The following CERS6 variants were observed in gnomAD, a reference collection of about 807,000 sequenced individuals.
The protein encoded by CERS6 is ceramide synthase 6, also known as LAG1 homolog, ceramide synthase 6.
In CERS6, 26 loss-of-function variants were observed where a neutral mutation model predicts 56.8. The observed-to-expected ratio is 0.46, with a 90% CI of 0.34 to 0.63. The LOEUF (loss-of-function observed/expected upper bound fraction) is 0.63. CERS6 is among the 30% of genes least tolerant of loss of function. CERS6 has a pLI of 0.01. For synonymous variants in CERS6, 164 were observed against 173.3 expected, an observed-to-expected ratio of 0.95 and a Z score of 0.42; for missense variants, 415 against 467.5, an observed-to-expected ratio of 0.89 and a Z score of 1.04.
At chr2:168,605,151 G>T in intron 3 of CERS6, among the ~76,000 whole-genome samples, 1 of 152,218 alleles carries the variant, frequency 6.6e-6, no homozygotes. Flanking sequence ...AACTGATGAA[G>T]TCTCAGACGG....
chr2:168,456,623 G>A lies in CERS6; in HGVS notation c.170+5G>A, dbSNP rs1205059184. 1.2e-6 allele frequency: 2 copies of A among 1,612,724 alleles called. No individual in the cohort carries two copies. Among genetic ancestry groups the A allele is most frequent in the Non-Finnish European group, 1.7e-6 (2 of 1,179,258 alleles). The stretch of plus-strand genomic sequence containing the variant: ...GGTGCGGCTCATCTTCGAGAGGTAA[G>A]AAGGGCTGAAGCCCCTCCTCCCCTC... On this transcript the variant is annotated splice_donor_5th_base_variant and intron_variant, in intron 1 of 9. Coordinates refer to ENST00000305747, the MANE Select transcript of CERS6 (RefSeq NM_203463.3). This position sits in a 1 kb window ranked among gnomAD's most constrained non-coding sequence, Gnocchi z 4.1.
intron 1 of CERS6, among the ~76,000 whole-genome samples, chr2:168,505,445 C>T (rs1694660420): frequency 6.7e-6 from 1 of 150,206 alleles, no homozygotes; most frequent in Non-Finnish European, 1.5e-5. Flanking sequence ...AAGGAAATCT[C>T]TCCCTATCAG....
chr2:168,522,969 C>G (rs1387520641), intron 1 of CERS6, among the ~76,000 whole-genome samples: 1 of 152,156 alleles, frequency 6.6e-6, no homozygotes, highest in Non-Finnish European at 1.5e-5. Flanking sequence ...AATAAATAGT[C>G]AAACATTTAT....
chr2:168,473,008 A>C (rs1694005376), intron 1 of CERS6, among the ~76,000 whole-genome samples: 1 of 152,204 alleles, frequency 6.6e-6, no homozygotes, highest in Non-Finnish European at 1.5e-5. Context: ...CATTATGCTC[A>C]CCTTAAAAAC....
chr2:168,509,621 A>G (rs1360551804), intron 1 of CERS6, among the ~76,000 whole-genome samples: 2 of 152,234 alleles, frequency 1.3e-5, no homozygotes, highest in Non-Finnish European at 2.9e-5. Flanking sequence ...TCTGAGGTCT[A>G]GCTCTTGTGG....
At chr2:168,727,270 C>T (rs1683379085) in intron 8 of CERS6, among the ~76,000 whole-genome samples, 1 of 151,948 alleles carries the variant, frequency 6.6e-6, no homozygotes, top group Non-Finnish European at 1.5e-5. Context: ...AACAAGTTGA[C>T]TGGGCATGGT....
intron 2 of CERS6, among the ~76,000 whole-genome samples, chr2:168,552,353 C>T (rs1695588535): frequency 2.6e-5 from 1 of 38,566 alleles, no homozygotes; most frequent in South Asian, 7.7e-4. Flanking sequence ...AGAGTATACA[C>T]ACACACACAC....
chr2:168,508,632 G>A (rs1221166990), intron 1 of CERS6, among the ~76,000 whole-genome samples: 2 of 151,858 alleles, frequency 1.3e-5, no homozygotes, highest in Non-Finnish European at 2.9e-5. Flanking sequence ...AACACCACAT[G>A]TTCTCGCTCC....
At chr2:168,753,176 G>A in intron 8 of CERS6, among the ~76,000 whole-genome samples, 1 of 152,200 alleles carries the variant, frequency 6.6e-6, no homozygotes. Flanking sequence ...GGGAATGCAA[G>A]AACTGAGCCC....
chr2:168,715,211 C>A, intron 7 of CERS6, 82 bp downstream of exon 7: 4 of 1,218,916 alleles, frequency 3.3e-6, no homozygotes, highest in South Asian at 1.5e-5. Flanking sequence ...CAGTGTTATG[C>A]TAGATGGTGC....
chr2:168,730,045 A>G (rs530041845), intron 8 of CERS6, among the ~76,000 whole-genome samples: 1 of 152,324 alleles, frequency 6.6e-6, no homozygotes, highest in South Asian at 2.1e-4. Context: ...GTTTGGCACA[A>G]TGACGACTGA....
At chr2:168,641,119 C>G (rs980124026) in intron 4 of CERS6, among the ~76,000 whole-genome samples, 1 of 152,138 alleles carries the variant, frequency 6.6e-6, no homozygotes, top group Admixed American at 6.6e-5. Flanking sequence ...TGTCACTATT[C>G]CTTCATTACC....
chr2:168,456,312 AGGCGGCGGC>A lies in CERS6; in HGVS notation c.-131_-123del. 2.9e-6 allele frequency: 1 copy of A among 347,340 alleles called. No individual in the cohort carries two copies. The highest frequency in any genetic ancestry group is 4.4e-6 in the Non-Finnish European group (1 of 225,772). 21.5% of individuals were successfully genotyped at this position (347,340 alleles called of 1,614,324 possible). A position where few individuals can be genotyped will look rare whatever the true frequency, so the allele number is the denominator to read the frequency against. ...CCTTCGAGAGCAGCGGCCGCGGAGG[AGGCGGCGGC>A]GGCGGGCGGGAGCAGCGGCGGCGGC... On this transcript the variant is annotated 5_prime_UTR_variant, in exon 1 of 10. Transcript: ENST00000305747. This position sits in a 1 kb window ranked among gnomAD's most constrained non-coding sequence, Gnocchi z 4.1.
intron 2 of CERS6, among the ~76,000 whole-genome samples, chr2:168,560,848 C>T (rs1695774021): frequency 6.6e-6 from 1 of 152,098 alleles, no homozygotes; most frequent in African/African-American, 2.4e-5. Flanking sequence ...TCAATGGACT[C>T]CCTTCCTTTG....
chr2:168,542,789 C>T (rs578181382), intron 1 of CERS6, among the ~76,000 whole-genome samples: 32 of 152,186 alleles, frequency 2.1e-4, no homozygotes, highest in Non-Finnish European at 4.0e-4. Context: ...CTCTGCCTCC[C>T]GGGTTCAAGC....
chr2:168,534,339 TC>T (rs1695219974), intron 1 of CERS6, among the ~76,000 whole-genome samples: 1 of 152,096 alleles, frequency 6.6e-6, no homozygotes, highest in South Asian at 2.1e-4. Context: ...TGATTCTTTT[TC>T]ATCTTCGTGA....
Position 168,632,593 on chromosome 2 carries a change from A to T in CERS6, c.465+1551A>T, listed in dbSNP as rs533034661. ...GTTTCTGTGTATGAAGAAATTCTCA[A>T]CTGGAGTAAATAAACATGGTTTAAA... is the stretch of plus-strand genomic sequence containing the variant. On this transcript the variant is annotated intron_variant, in intron 4 of 9. Transcript: ENST00000305747. 2.0e-5 allele frequency among the ~76,000 whole-genome samples: 3 copies of T among 152,318 alleles called. No homozygotes were observed. In the South Asian group the frequency reaches 6.2e-4, roughly 32 times the overall value.
chr2:168,541,831 A>G (rs1695377650), intron 1 of CERS6, among the ~76,000 whole-genome samples: 1 of 152,178 alleles, frequency 6.6e-6, no homozygotes, highest in African/African-American at 2.4e-5. Flanking sequence ...CTTAGTTTAT[A>G]TACAGAATTA....
intron 1 of CERS6, among the ~76,000 whole-genome samples, chr2:168,496,484 G>A (rs1694471838): frequency 6.6e-6 from 1 of 152,144 alleles, no homozygotes; most frequent in Non-Finnish European, 1.5e-5. Context: ...CAGGCTCCAT[G>A]AGAGGGGATT....
Sources: gnomAD v4.1 joint callset for allele counts (sites outside exome capture counted in the v4.1 genomes callset) on GRCh38, gnomAD v4.1.1 for gene constraint, Gnocchi (gnomAD v3.1) non-coding constraint, MANE v1.5 for transcripts, NCBI Gene and HGNC (gene_info 2026-07-23, HGNC 2026-07-21) for gene names.